Variants in SNX29 observed in about 807,000 individuals in gnomAD.
SNX29 encodes sorting nexin 29.
A neutral mutation model predicts 102.1 loss-of-function variants in SNX29; 78 were observed. That is an observed-to-expected ratio of 0.76 (90% CI 0.64 to 0.92). SNX29 has a LOEUF of 0.92. Among genes scored for constraint, SNX29 ranks in the 40% least tolerant of loss-of-function variants. SNX29 has a pLI of 0.00. For synonymous variants in SNX29, 580 were observed against 414.5 expected (o/e 1.40, Z -4.85); for missense variants, 1,280 against 1,061.7 (o/e 1.21, Z -2.86).
intron 18 of SNX29, among the ~76,000 whole-genome samples, chr16:12,425,428 C>G (rs1477967106): frequency 6.6e-6 from 1 of 150,848 alleles, no homozygotes; most frequent in Admixed American, 6.6e-5. Flanking sequence ...GTCACCGGAG[C>G]ACAGATCTTA....
chr16:12,373,823 T>C (rs1035808277), intron 16 of SNX29: 1 of 152,208 alleles, frequency 6.6e-6, no homozygotes, highest in Non-Finnish European at 1.5e-5. Context: ...CAAGGGACTG[T>C]GGGTTTATTT....
Position 12,572,229 on chromosome 16 carries a change from G to A in SNX29, c.*3600G>A, listed in dbSNP as rs2079202760. The A allele has an allele frequency of 9.8e-7, 1 of 1,023,816 alleles. No individual in the cohort carries two copies. The allele number at this position is 1,023,816 out of a possible 1,614,324, so 63.4% of individuals were successfully genotyped here. A position where few individuals can be genotyped will look rare whatever the true frequency, so the allele number is the denominator to read the frequency against. ...CTTTAAAAACCAGAGGCTCCTGAAA[G>A]TCGTTTACACCAGGTGGATTGATAC... On this transcript the variant is annotated 3_prime_UTR_variant, in exon 21 of 21. Transcript: ENST00000566228.
intron 20 of SNX29, among the ~76,000 whole-genome samples, chr16:12,553,432 C>G (rs1004508214): frequency 5.3e-5 from 8 of 152,162 alleles, no homozygotes; most frequent in African/African-American, 1.2e-4. Context: ...TGACACACTC[C>G]AACCTGCTGA....
chr16:12,441,329 C>G (rs1289217402), intron 18 of SNX29, among the ~76,000 whole-genome samples: 5 of 151,982 alleles, frequency 3.3e-5, no homozygotes, highest in Admixed American at 6.6e-5. Flanking sequence ...ACCTTGTGAT[C>G]CACCCACCTC....
intron 12 of SNX29, among the ~76,000 whole-genome samples, chr16:12,128,935 T>C (rs753678029): frequency 1.3e-5 from 2 of 152,198 alleles, no homozygotes; most frequent in African/African-American, 4.8e-5. Context: ...CCTGCTGTCT[T>C]CTCCTTTATT....
chr16:12,024,494 A>G (rs2057133095), intron 3 of SNX29, among the ~76,000 whole-genome samples: 1 of 152,106 alleles, frequency 6.6e-6, no homozygotes, highest in African/African-American at 2.4e-5. Flanking sequence ...TCCAAACTGG[A>G]GGTGGAAAGG....
At chr16:12,190,618 C>T (rs541707702) in intron 13 of SNX29, among the ~76,000 whole-genome samples, 2 of 152,150 alleles carry the variant, frequency 1.3e-5, no homozygotes, top group Admixed American at 1.3e-4. Context: ...TCAGATCAAC[C>T]TTAGCAAAGA....
chr16:12,310,881 C>A (rs1390618636), intron 15 of SNX29, among the ~76,000 whole-genome samples: 2 of 152,102 alleles, frequency 1.3e-5, no homozygotes, highest in East Asian at 1.9e-4. Flanking sequence ...CAGGAAAAAA[C>A]GTCTCAAAAT....
chr16:12,551,277 A>C (rs1461111233), intron 20 of SNX29, among the ~76,000 whole-genome samples: 1 of 152,164 alleles, frequency 6.6e-6, no homozygotes, highest in African/African-American at 2.4e-5. Context: ...AGACACCGTC[A>C]AATGTTTAAC....
intron 15 of SNX29, among the ~76,000 whole-genome samples, chr16:12,281,818 C>G (rs1208377780): frequency 6.6e-6 from 1 of 152,052 alleles, no homozygotes; most frequent in African/African-American, 2.4e-5. Context: ...AACCTGTAAT[C>G]CCAGCACTTT....
rs897032605 is a variant in SNX29, at chr16:12,082,049, C to G, written c.1402+3134C>G. The stretch of plus-strand genomic sequence containing the variant: ...AGAGGACTGAGGATGAGAAAAGAAG[C>G]CACTCCTGTGACTTGCTGGGATCTA... On this transcript the variant is annotated intron_variant, in intron 11 of 20. Transcript: ENST00000566228. 2.0e-5 allele frequency: 3 copies of G among 152,258 alleles called. No individual in the cohort carries two copies. In the South Asian group the frequency reaches 6.2e-4, roughly 32 times the overall value. 9.4% of individuals were successfully genotyped at this position (152,258 alleles called of 1,614,324 possible).
At position 12,356,202 on chromosome 16, in the gene SNX29, C is replaced by T. The variant is rs755139073; in HGVS notation, c.1822C>T (p.Arg608Cys). 8.1e-6 allele frequency: 13 copies of T among 1,613,290 alleles called. No homozygotes were observed. Among genetic ancestry groups the T allele is most frequent in the Admixed American group, 3.3e-5 (2 of 59,976 alleles). The change falls in exon 16 of 21, where the codon CGC becomes TGC. Residue 608 changes from arginine to cysteine, a missense_variant. Coordinates refer to ENST00000566228, the MANE Select transcript of SNX29 (RefSeq NM_032167.5). The stretch of plus-strand genomic sequence containing the variant: ...TGGCGAGCTGATTGAGTTCAACGAG[C>T]GCCTGCACAGGGCCCTGGTAGCCAA... Reference protein sequence around the residue: ...MHGELIEFNERLHRALVAKEA... With the variant: ...MHGELIEFNECLHRALVAKEA...
chr16:12,164,419 T>C (rs1365055728), intron 13 of SNX29, among the ~76,000 whole-genome samples: 2 of 152,256 alleles, frequency 1.3e-5, no homozygotes, highest in Non-Finnish European at 2.9e-5. Context: ...TTGGGAATCC[T>C]TGATCCTGTA....
At chr16:12,330,760 A>G (rs979066711) in intron 15 of SNX29, among the ~76,000 whole-genome samples, 1 of 152,138 alleles carries the variant, frequency 6.6e-6, no homozygotes, top group African/African-American at 2.4e-5. Flanking sequence ...ATCACTTCAG[A>G]TATTTTTAGG....
At chr16:11,992,828 C>G (rs916529924) in intron 1 of SNX29, among the ~76,000 whole-genome samples, 1 of 152,176 alleles carries the variant, frequency 6.6e-6, no homozygotes, top group African/African-American at 2.4e-5. Flanking sequence ...ATGACGTCAC[C>G]TCCACCGCTG....
At chr16:12,317,909 G>C (rs928467241) in intron 15 of SNX29, among the ~76,000 whole-genome samples, 1 of 152,264 alleles carries the variant, frequency 6.6e-6, no homozygotes, top group Non-Finnish European at 1.5e-5. Context: ...CCGACTGAGA[G>C]CTGAAAGGTA....
rs911793132 is a variant in SNX29, at chr16:12,120,448, G to A, written c.1403-6185G>A. Among the ~76,000 whole-genome samples, 4 of 152,252 alleles carry A rather than the reference G, an allele frequency of 2.6e-5. No homozygotes were observed. The South Asian group carries it at 6.2e-4, about 24-fold the overall frequency. On this transcript the variant is annotated intron_variant, in intron 11 of 20. Coordinates refer to ENST00000566228, the MANE Select transcript of SNX29 (RefSeq NM_032167.5). ...CACACATGCGTCCACACGTCACCCT[G>A]TCTAGTCATCGCAGTCAGCAGTCTC...
At chr16:12,546,145 ACC>A (rs2077592698) in intron 20 of SNX29, 2 of 152,108 alleles carry the variant, frequency 1.3e-5, no homozygotes, top group Non-Finnish European at 2.9e-5. Context: ...AGAGCTAATA[ACC>A]TCCACCTGGT....
chr16:12,036,991 C>A (rs2057494489), intron 4 of SNX29, among the ~76,000 whole-genome samples: 1 of 151,972 alleles, frequency 6.6e-6, no homozygotes. Flanking sequence ...ATCTGTCGTC[C>A]CTCACCACCG....
Sources: gnomAD v4.1 joint callset for allele counts (sites outside exome capture counted in the v4.1 genomes callset) on GRCh38, gnomAD v4.1.1 for gene constraint, MANE v1.5 for transcripts, NCBI Gene and HGNC (gene_info 2026-07-23, HGNC 2026-07-21) for gene names.